The following PDE10A variants were observed in gnomAD, a reference collection of about 807,000 sequenced individuals.
PDE10A encodes phosphodiesterase 10A, also known as cAMP and cAMP-inhibited cGMP 3',5'-cyclic phosphodiesterase 10A.
Under a neutral mutation model 97.7 loss-of-function variants are expected in PDE10A, and 39 were observed. That is an observed-to-expected ratio of 0.40 (90% confidence interval 0.31 to 0.52). The LOEUF (loss-of-function observed/expected upper bound fraction) is 0.52, where lower values mean the gene tolerates loss of function less well. Ranked by LOEUF, PDE10A falls within the 20% of genes least tolerant of loss-of-function variation. The pLI is 0.56. For synonymous variants in PDE10A, 371 were observed against 376.8 expected (o/e 0.98, Z 0.18); for missense variants, 731 against 1,047.8 (o/e 0.70, Z 4.17).
At chr6:165,679,467 C>G (rs1450021214) in intron 1 of PDE10A, among the ~76,000 whole-genome samples, 1 of 152,290 alleles carries the variant, frequency 6.6e-6, no homozygotes, top group Non-Finnish European at 1.5e-5. Context: ...GGATTCTCAC[C>G]GGCCGCTACC....
intron 3 of PDE10A, among the ~76,000 whole-genome samples, chr6:165,475,631 G>C (rs1191699099): frequency 6.6e-6 from 1 of 152,130 alleles, no homozygotes; most frequent in Non-Finnish European, 1.5e-5. Flanking sequence ...AATGACACAA[G>C]ATCCCATTTA....
intron 1 of PDE10A, among the ~76,000 whole-genome samples, chr6:165,578,116 C>T (rs1785413687): frequency 1.3e-5 from 2 of 152,306 alleles, no homozygotes; most frequent in Admixed American, 6.5e-5. Flanking sequence ...CAGGTAAATA[C>T]AGGGGTCCCA....
chr6:165,530,779 T>C (rs1782732282), intron 2 of PDE10A, among the ~76,000 whole-genome samples: 1 of 152,224 alleles, frequency 6.6e-6, no homozygotes. Flanking sequence ...GATACTGACA[T>C]GACAAACCAT....
At chr6:165,804,773 G>C (rs1583115991) in intron 1 of PDE10A, among the ~76,000 whole-genome samples, 1 of 151,980 alleles carries the variant, frequency 6.6e-6, no homozygotes, top group Non-Finnish European at 1.5e-5. Flanking sequence ...GCGGCGGCGG[G>C]GGACTGGGCG....
At chr6:165,463,603 A>G (rs897373419) in intron 3 of PDE10A, among the ~76,000 whole-genome samples, 3 of 152,232 alleles carry the variant, frequency 2.0e-5, no homozygotes, top group African/African-American at 7.2e-5. Flanking sequence ...TGCGAGAAGT[A>G]GCTGACCGTC....
chr6:165,455,956 A>T (rs999506474), intron 3 of PDE10A, among the ~76,000 whole-genome samples: 1 of 152,258 alleles, frequency 6.6e-6, no homozygotes, highest in South Asian at 2.1e-4. Flanking sequence ...TTACATAAAA[A>T]TCATGAACAC....
At chr6:165,837,300 T>C (rs1016847197) in intron 1 of PDE10A, among the ~76,000 whole-genome samples, 2 of 152,078 alleles carry the variant, frequency 1.3e-5, no homozygotes, top group African/African-American at 2.4e-5. Context: ...ACTAAGAACA[T>C]AACTAACATG....
chr6:165,763,984 A>G (rs1793312986), intron 1 of PDE10A, among the ~76,000 whole-genome samples: 1 of 152,240 alleles, frequency 6.6e-6, no homozygotes, highest in Non-Finnish European at 1.5e-5. Context: ...CACATGAAGA[A>G]ACGGGTTTGA....
chr6:165,642,763 A>G (rs1014075028), intron 1 of PDE10A, among the ~76,000 whole-genome samples: 5 of 152,210 alleles, frequency 3.3e-5, no homozygotes, highest in African/African-American at 1.2e-4. Flanking sequence ...CCAGCCTGTT[A>G]ATTCAGCTCT....
At chr6:165,684,544 T>A (rs775594062) in intron 1 of PDE10A, among the ~76,000 whole-genome samples, 8 of 152,228 alleles carry the variant, frequency 5.3e-5, no homozygotes, top group African/African-American at 1.9e-4. Context: ...TTTCATTGGA[T>A]GCATGGGCAA....
At chr6:165,527,715 T>G (rs1439963158) in intron 2 of PDE10A, among the ~76,000 whole-genome samples, 2 of 152,188 alleles carry the variant, frequency 1.3e-5, no homozygotes, top group Non-Finnish European at 2.9e-5. Flanking sequence ...ATATACATGA[T>G]CAGGCTCCAG....
intron 17 of PDE10A, among the ~76,000 whole-genome samples, chr6:165,386,934 T>A (rs1459113646): frequency 6.6e-6 from 1 of 151,378 alleles, no homozygotes; most frequent in Non-Finnish European, 1.5e-5. Context: ...GAGAATGGCG[T>A]GAATCCAGGA....
intron 15 of PDE10A, 89 bp downstream of exon 15, chr6:165,395,092 A>G: frequency 1.4e-6 from 1 of 736,518 alleles, no homozygotes; most frequent in Admixed American, 2.6e-5. Context: ...ATAATTACAA[A>G]CAAAGATCGT....
intron 1 of PDE10A, among the ~76,000 whole-genome samples, chr6:165,704,361 G>A (rs1791655643): frequency 6.6e-6 from 1 of 152,206 alleles, no homozygotes; most frequent in Non-Finnish European, 1.5e-5. Flanking sequence ...CAACACTGGT[G>A]CCCAACCCAG....
At chr6:165,790,982 C>T (rs193027314) in intron 1 of PDE10A, among the ~76,000 whole-genome samples, 3 of 152,122 alleles carry the variant, frequency 2.0e-5, no homozygotes, top group Non-Finnish European at 2.9e-5. Context: ...AATTTTATGC[C>T]CACTGATCAG....
At chr6:165,435,173 T>C (rs962329413) in intron 6 of PDE10A, 64 bp downstream of exon 6, 29 of 1,316,620 alleles carry the variant, frequency 2.2e-5, no homozygotes, top group African/African-American at 8.8e-5. Flanking sequence ...CAAAATGATA[T>C]GCCATCTTTC....
intron 1 of PDE10A, among the ~76,000 whole-genome samples, chr6:165,717,035 T>C (rs542537085): frequency 6.6e-6 from 1 of 152,326 alleles, no homozygotes; most frequent in South Asian, 2.1e-4. Flanking sequence ...CTATTCTGCC[T>C]TCTGTTTCTA....
intron 1 of PDE10A, among the ~76,000 whole-genome samples, chr6:165,593,514 T>A (rs1001018696): frequency 6.6e-6 from 1 of 151,998 alleles, no homozygotes; most frequent in Non-Finnish European, 1.5e-5. Context: ...TCTGATATGA[T>A]CAAAAGCAGC....
chr6:165,762,666 A>C (rs1793279008), intron 1 of PDE10A, among the ~76,000 whole-genome samples: 1 of 151,578 alleles, frequency 6.6e-6, no homozygotes, highest in African/African-American at 2.4e-5. Flanking sequence ...CAATCAAATA[A>C]ATATAGCTCT....
Sources: gnomAD v4.1 joint callset for allele counts (sites outside exome capture counted in the v4.1 genomes callset) on GRCh38, gnomAD v4.1.1 for gene constraint, MANE v1.5 for transcripts, NCBI Gene and HGNC (gene_info 2026-07-23, HGNC 2026-07-21) for gene names.